RTL4: variants seen among roughly 807,000 people sequenced by gnomAD.
RTL4 encodes retrotransposon Gag-like protein 4.
Under a neutral mutation model 5.3 loss-of-function variants are expected in RTL4, and 4 were observed. That is an observed-to-expected ratio of 0.75 (90% confidence interval 0.37 to 1.72). RTL4 has a LOEUF of 1.72. Ranked by LOEUF, RTL4 falls within the 40% of genes most tolerant of loss-of-function variation. RTL4 has a pLI of 0.04. For synonymous variants in RTL4, 98 were observed against 87.3 expected (o/e 1.12, Z -0.68); for missense variants, 260 against 227.1 (o/e 1.14, Z -0.93).
the RTL4 span, among the ~76,000 whole-genome samples, chrX:112,442,667 T>C: frequency 3.6e-5 from 4 of 112,187 alleles, no homozygotes; most frequent in Non-Finnish European, 7.5e-5. Context: ...ACCCCAGCTA[T>C]TGTTTTGACA....
the RTL4 span, among the ~76,000 whole-genome samples, chrX:112,338,865 AGCT>A: frequency 8.9e-6 from 1 of 112,401 alleles, no homozygotes; most frequent in African/African-American, 3.2e-5. Flanking sequence ...GAATTGCATA[AGCT>A]ATCATCATTT....
chrX:112,137,244 G>T, the RTL4 span, among the ~76,000 whole-genome samples: 3 of 112,133 alleles, frequency 2.7e-5, no homozygotes, highest in East Asian at 8.3e-4. Flanking sequence ...ACAGGTATAT[G>T]AAAATGTGCT....
chrX:112,427,133 C>G, the RTL4 span, among the ~76,000 whole-genome samples: 1 of 111,122 alleles, frequency 9.0e-6, no homozygotes, highest in African/African-American at 3.3e-5. Context: ...AAAGTCATTA[C>G]AAGCAAAGAA....
At chrX:112,308,594 A>T in the RTL4 span, among the ~76,000 whole-genome samples, 3 of 111,876 alleles carry the variant, frequency 2.7e-5, no homozygotes, top group African/African-American at 9.7e-5. Flanking sequence ...TGGATACCAG[A>T]CATATCTTTC....
chrX:112,406,241 C>T, the RTL4 span, among the ~76,000 whole-genome samples: 8 of 111,961 alleles, frequency 7.1e-5, no homozygotes, highest in African/African-American at 2.3e-4. Flanking sequence ...AAAGAAATAT[C>T]TGAAACTGGA....
At chrX:112,106,772 A>G in the RTL4 span, among the ~76,000 whole-genome samples, 1 of 111,642 alleles carries the variant, frequency 9.0e-6, no homozygotes, top group Non-Finnish European at 1.9e-5. Flanking sequence ...AGTGATCTTG[A>G]GCACTTTAAA....
At chrX:112,427,885 A>T in the RTL4 span, among the ~76,000 whole-genome samples, 1 of 110,170 alleles carries the variant, frequency 9.1e-6, no homozygotes, top group Non-Finnish European at 1.9e-5. Flanking sequence ...AGCAGTGTAT[A>T]CAGTACCCAA....
the RTL4 span, among the ~76,000 whole-genome samples, chrX:112,280,859 T>C: frequency 1.8e-5 from 2 of 111,090 alleles, no homozygotes; most frequent in African/African-American, 6.5e-5. Flanking sequence ...TTATTATTTA[T>C]TTATTTATTT....
At chrX:112,337,589 A>T in the RTL4 span, among the ~76,000 whole-genome samples, 2 of 109,131 alleles carry the variant, frequency 1.8e-5, no homozygotes, top group African/African-American at 3.3e-5. Flanking sequence ...GGCAAAAAAT[A>T]TTTTTTTTTT....
chrX:112,276,480 A>G, the RTL4 span, among the ~76,000 whole-genome samples: 1 of 112,339 alleles, frequency 8.9e-6, no homozygotes, highest in African/African-American at 3.2e-5. Context: ...AGCTCTAAAT[A>G]GTCTGCAATA....
At chrX:112,118,124 A>C in the RTL4 span, among the ~76,000 whole-genome samples, 1 of 112,237 alleles carries the variant, frequency 8.9e-6, no homozygotes, top group Non-Finnish European at 1.9e-5. Flanking sequence ...TTTCATAAGA[A>C]ATCACACCAA....
chrX:112,212,158 C>T, the RTL4 span, among the ~76,000 whole-genome samples: 2 of 111,966 alleles, frequency 1.8e-5, no homozygotes, highest in African/African-American at 6.5e-5. Context: ...GGGCGGATCA[C>T]GAGGTCGGGA....
At chrX:112,158,637 A>C in the RTL4 span, among the ~76,000 whole-genome samples, 6 of 111,127 alleles carry the variant, frequency 5.4e-5, no homozygotes, top group Non-Finnish European at 1.1e-4. Flanking sequence ...CCATGTCATT[A>C]TGCATGCCTC....
chrX:112,310,329 G>A, the RTL4 span, among the ~76,000 whole-genome samples: 9 of 56,297 alleles, frequency 1.6e-4, no homozygotes, highest in East Asian at 3.7e-3. Context: ...GCTAAGAAGA[G>A]AGACCTTACT....
At chrX:112,223,340 G>A in the RTL4 span, among the ~76,000 whole-genome samples, 5 of 112,296 alleles carry the variant, frequency 4.5e-5, no homozygotes. Flanking sequence ...CAACGTGCCA[G>A]AGATAATGCA....
the RTL4 span, among the ~76,000 whole-genome samples, chrX:112,302,116 C>T: frequency 1.8e-5 from 2 of 110,189 alleles, no homozygotes; most frequent in Non-Finnish European, 3.8e-5. Context: ...AAAAAATTAG[C>T]TGGGCATGGT....
chrX:112,247,848 C>A, the RTL4 span, among the ~76,000 whole-genome samples: 4 of 111,668 alleles, frequency 3.6e-5, no homozygotes, highest in African/African-American at 1.3e-4. Context: ...CTATTGGCCT[C>A]AACTTGAGCT....
At chrX:112,204,410 G>A in the RTL4 span, among the ~76,000 whole-genome samples, 9 of 112,171 alleles carry the variant, frequency 8.0e-5, no homozygotes, top group African/African-American at 2.3e-4. Context: ...AGATTTGGAA[G>A]CAACCTAAGT....
At chrX:112,402,418 G>GTC in the RTL4 span, among the ~76,000 whole-genome samples, 1 of 108,005 alleles carries the variant, frequency 9.3e-6, no homozygotes, top group Non-Finnish European at 1.9e-5. Context: ...GTGTGTGTGT[G>GTC]TGTGTGTGTG....
Sources: gnomAD v4.1 joint callset for allele counts (sites outside exome capture counted in the v4.1 genomes callset) on GRCh38, gnomAD v4.1.1 for gene constraint, MANE v1.5 for transcripts, NCBI Gene and HGNC (gene_info 2026-07-23, HGNC 2026-07-21) for gene names.